TXK: variants seen among roughly 807,000 people sequenced by gnomAD.
The protein encoded by TXK is TXK tyrosine kinase, also known as tyrosine-protein kinase TXK.
Under a neutral mutation model 81.0 loss-of-function variants are expected in TXK, and 60 were observed. The observed-to-expected ratio is 0.74, with a 90% confidence interval of 0.60 to 0.92. The LOEUF (loss-of-function observed/expected upper bound fraction) is 0.92, where lower values mean the gene tolerates loss of function less well. Among genes scored for constraint, TXK ranks in the 40% least tolerant of loss-of-function variants. The pLI is 0.00. For synonymous variants in TXK, 203 were observed against 210.7 expected (o/e 0.96, Z 0.32); for missense variants, 581 against 638.3 (o/e 0.91, Z 0.97).
intron 1 of TXK, among the ~76,000 whole-genome samples, chr4:48,120,491 CTTT>C (rs1217036533): frequency 7.0e-6 from 1 of 142,526 alleles, no homozygotes; most frequent in African/African-American, 2.6e-5. Flanking sequence ...AAATAAGTCT[CTTT>C]TTTTTTTTTT....
At chr4:48,101,124 C>G (rs181958930) in intron 6 of TXK, among the ~76,000 whole-genome samples, 4 of 151,998 alleles carry the variant, frequency 2.6e-5, no homozygotes, top group Admixed American at 2.6e-4. Context: ...GATTTTGAAC[C>G]ACGTGAACAT....
intron 10 of TXK, among the ~76,000 whole-genome samples, chr4:48,083,401 T>C (rs1168360479): frequency 1.3e-5 from 2 of 152,248 alleles, no homozygotes; most frequent in Non-Finnish European, 2.9e-5. Context: ...CATGGATGGA[T>C]TGATGTCTTA....
intron 1 of TXK, among the ~76,000 whole-genome samples, chr4:48,132,433 C>T (rs770702868): frequency 3.2e-4 from 49 of 152,104 alleles, no homozygotes; most frequent in Non-Finnish European, 5.0e-4. Context: ...TATTTTGTTG[C>T]AAGGTGGGCA....
intron 1 of TXK, among the ~76,000 whole-genome samples, chr4:48,129,651 T>G (rs1719190355): frequency 6.6e-6 from 1 of 152,182 alleles, no homozygotes; most frequent in South Asian, 2.1e-4. Context: ...TTTCCCAGCT[T>G]CTGCCAGGGC....
chr4:48,108,596 A>C (rs1718535830), intron 5 of TXK, among the ~76,000 whole-genome samples: 1 of 152,228 alleles, frequency 6.6e-6, no homozygotes, highest in African/African-American at 2.4e-5. Context: ...GTGATCAATA[A>C]ATTTCAGTGA....
rs1013329790 is a variant in TXK at position 48,098,027 on chromosome 4, A to T, written c.502-2805T>A. 5.3e-5 allele frequency among the ~76,000 whole-genome samples: 8 copies of T among 152,092 alleles called. No homozygotes were observed. The South Asian group carries it at 1.7e-3, about 32-fold the overall frequency. ...CTCCCAAAGTGCTGGGATTACAGGC[A>T]TGAGCCACCACGCCCGGCCAAAAGC... On this transcript the variant is annotated intron_variant, in intron 6 of 14. Coordinates refer to ENST00000264316, the MANE Select transcript of TXK (RefSeq NM_003328.3).
At chr4:48,079,146 G>A (rs1369259080) in intron 11 of TXK, among the ~76,000 whole-genome samples, 3 of 152,148 alleles carry the variant, frequency 2.0e-5, no homozygotes, top group Non-Finnish European at 4.4e-5. Context: ...ATTCCTGGGC[G>A]TAGGCTAAAC....
At chr4:48,094,702 C>A (rs1560349981) in intron 7 of TXK, among the ~76,000 whole-genome samples, 1 of 152,158 alleles carries the variant, frequency 6.6e-6, no homozygotes, top group Non-Finnish European at 1.5e-5. Context: ...ATTTATCCAC[C>A]AACTCCCATT....
chr4:48,101,269 A>G (rs948759899), intron 6 of TXK, among the ~76,000 whole-genome samples: 3 of 152,204 alleles, frequency 2.0e-5, no homozygotes, highest in African/African-American at 7.2e-5. Flanking sequence ...TCAAAAAGAA[A>G]AGGAAATTCA....
intron 6 of TXK, among the ~76,000 whole-genome samples, chr4:48,101,018 T>C (rs1464437878): frequency 1.3e-5 from 2 of 152,078 alleles, no homozygotes; most frequent in Non-Finnish European, 2.9e-5. Context: ...TTAAATATCT[T>C]GGAAAGGACA....
intron 1 of TXK, among the ~76,000 whole-genome samples, chr4:48,123,637 T>C (rs959858774): frequency 6.6e-6 from 1 of 152,188 alleles, no homozygotes; most frequent in African/African-American, 2.4e-5. Flanking sequence ...GTAGATGCCG[T>C]TTTACAGATG....
chr4:48,130,355 T>C (rs1428537907), intron 1 of TXK, among the ~76,000 whole-genome samples: 2 of 152,110 alleles, frequency 1.3e-5, no homozygotes, highest in Admixed American at 6.5e-5. Context: ...TTTCATGGAG[T>C]TGCAGTCAAG....
chr4:48,127,394 G>A (rs997734892), intron 1 of TXK, among the ~76,000 whole-genome samples: 1 of 152,168 alleles, frequency 6.6e-6, no homozygotes, highest in Non-Finnish European at 1.5e-5. Flanking sequence ...AATAGACAGC[G>A]CCCTTCCACA....
chr4:48,117,484 T>C (rs1718844165), intron 1 of TXK, among the ~76,000 whole-genome samples: 1 of 152,172 alleles, frequency 6.6e-6, no homozygotes, highest in South Asian at 2.1e-4. Flanking sequence ...CCAGCTACAT[T>C]GACCCCCTTC....
chr4:48,101,538 T>C (rs1025369219), intron 6 of TXK, among the ~76,000 whole-genome samples: 3 of 152,068 alleles, frequency 2.0e-5, no homozygotes, highest in Non-Finnish European at 4.4e-5. Context: ...AACCAGAATA[T>C]GTATTTTAAA....
Position 48,120,116 on chromosome 4 carries a change from C to T in TXK, c.17-5714G>A, listed in dbSNP as rs183936921. 5.2e-3 allele frequency among the ~76,000 whole-genome samples: 778 copies of T among 150,346 alleles called. 12 individuals are homozygous for T. The highest frequency in any genetic ancestry group is 0.019 in the African/African-American group (756 of 40,740). On this transcript the variant is annotated intron_variant, in intron 1 of 14. Coordinates refer to ENST00000264316, the MANE Select transcript of TXK (RefSeq NM_003328.3). Reference sequence around the variant, plus strand: ...ACGTACACAAATATACGTATACATACACATACATATGTATATACATGTGTA... The same window carrying T: ...ACGTACACAAATATACGTATACATATACATACATATGTATATACATGTGTA...
chr4:48,130,796 T>C (rs1001063109), intron 1 of TXK, among the ~76,000 whole-genome samples: 1 of 152,100 alleles, frequency 6.6e-6, no homozygotes, highest in African/African-American at 2.4e-5. Flanking sequence ...AGGAGTAAGA[T>C]AGGACTCTGA....
intron 1 of TXK, among the ~76,000 whole-genome samples, chr4:48,123,681 C>A (rs1406026406): frequency 1.3e-5 from 2 of 152,148 alleles, no homozygotes; most frequent in Non-Finnish European, 2.9e-5. Context: ...TACTCCTTAC[C>A]AACAAAGGGC....
intron 8 of TXK, among the ~76,000 whole-genome samples, chr4:48,092,677 T>G (rs990075477): frequency 4.6e-5 from 7 of 151,920 alleles, no homozygotes; most frequent in African/African-American, 1.7e-4. Flanking sequence ...TTTATAGGGT[T>G]AAAAGCTAAA....
Sources: allele counts gnomAD v4.1 joint callset (sites outside exome capture counted in the v4.1 genomes callset), GRCh38; gene constraint gnomAD v4.1.1; transcripts MANE v1.5; gene names NCBI Gene and HGNC (gene_info 2026-07-23, HGNC 2026-07-21).